DLG2: variants seen among roughly 807,000 people sequenced by gnomAD.
The protein encoded by DLG2 is discs large MAGUK scaffold protein 2.
DLG2 carries 45 observed loss-of-function variants against 132.5 expected under a neutral mutation model. The observed-to-expected ratio is 0.34, with a 90% CI of 0.27 to 0.44. The LOEUF (loss-of-function observed/expected upper bound fraction) is 0.44. DLG2 is among the 20% of genes least tolerant of loss of function. The probability of loss-of-function intolerance (pLI) is 1.00; values close to 1 mark genes in which losing one functional copy is unlikely to be tolerated. For missense variants in DLG2, 1,045 were observed against 1,196.9 expected (o/e 0.87, Z 1.87); for synonymous variants, 424 against 419.6 (o/e 1.01, Z -0.13).
Position 84,036,273 on chromosome 11 carries a change from G to A in DLG2, c.919+23042C>T, listed in dbSNP as rs139405963. Among the ~76,000 whole-genome samples, 158 of 152,060 alleles carry A rather than the reference G, an allele frequency of 1.0e-3. 2 individuals are homozygous for A. Among genetic ancestry groups the A allele is most frequent in the African/African-American group, 3.1e-3 (130 of 41,496 alleles). Reference sequence around the variant, plus strand: ...ATCTAAACTTATCTACTTGTATATCGTCACAGATAAATCTTGGGAGCACAT... The same window carrying A: ...ATCTAAACTTATCTACTTGTATATCATCACAGATAAATCTTGGGAGCACAT... On this transcript the variant is annotated intron_variant, in intron 11 of 27. Coordinates refer to ENST00000376104, the MANE Select transcript of DLG2 (RefSeq NM_001142699.3).
intron 3 of DLG2, among the ~76,000 whole-genome samples, chr11:85,538,115 C>G (rs1249362459): frequency 6.6e-6 from 1 of 151,490 alleles, no homozygotes; most frequent in Non-Finnish European, 1.5e-5. Flanking sequence ...GACTCCGTCT[C>G]AAAAAATAAT....
chr11:83,616,495 A>T (rs1242905099), intron 19 of DLG2, among the ~76,000 whole-genome samples: 1 of 143,684 alleles, frequency 7.0e-6, no homozygotes. Flanking sequence ...CCATTAAAAA[A>T]AAATGTTTTT....
chr11:84,778,958 T>C (rs1012262792), intron 6 of DLG2, among the ~76,000 whole-genome samples: 3 of 152,130 alleles, frequency 2.0e-5, no homozygotes, highest in Non-Finnish European at 2.9e-5. Context: ...TCCAAGTTCT[T>C]TGGTTTTTGG....
intron 6 of DLG2, among the ~76,000 whole-genome samples, chr11:84,619,530 A>G (rs1453466201): frequency 6.6e-6 from 1 of 151,708 alleles, no homozygotes; most frequent in African/African-American, 2.4e-5. Flanking sequence ...GAATAAAAGA[A>G]GAAAGAAAAA....
rs568432072 is a variant in DLG2, at chr11:84,539,190, G to C, written c.358-4459C>G. Among the ~76,000 whole-genome samples, 8 of 152,050 alleles carry C rather than the reference G, an allele frequency of 5.3e-5. No homozygotes were observed. In the South Asian group the frequency reaches 1.7e-3, roughly 31 times the overall value. The stretch of plus-strand genomic sequence containing the variant: ...TCTTTATCTTAGACTCAGATAATTA[G>C]GTATTTTTCTAAGCTTACATACCTG... On this transcript the variant is annotated intron_variant, in intron 6 of 27. Coordinates refer to ENST00000376104, the MANE Select transcript of DLG2 (RefSeq NM_001142699.3).
intron 7 of DLG2, among the ~76,000 whole-genome samples, chr11:84,340,632 G>A (rs2098510271): frequency 6.6e-6 from 1 of 152,092 alleles, no homozygotes; most frequent in Non-Finnish European, 1.5e-5. Flanking sequence ...AAGGACACCT[G>A]GCCAGTAAAC....
At chr11:84,399,563 C>G (rs1011886804) in intron 7 of DLG2, among the ~76,000 whole-genome samples, 1 of 152,094 alleles carries the variant, frequency 6.6e-6, no homozygotes, top group Non-Finnish European at 1.5e-5. Flanking sequence ...GTAGCTGGGA[C>G]TACCACCACA....
intron 6 of DLG2, among the ~76,000 whole-genome samples, chr11:84,881,483 C>T (rs557161196): frequency 6.6e-6 from 1 of 152,240 alleles, no homozygotes; most frequent in South Asian, 2.1e-4. Context: ...CCACCTTAGT[C>T]AACCCAAAAC....
intron 10 of DLG2, among the ~76,000 whole-genome samples, chr11:84,098,380 T>G (rs1285778524): frequency 6.6e-6 from 1 of 152,120 alleles, no homozygotes; most frequent in Non-Finnish European, 1.5e-5. Flanking sequence ...TTCCCTTTTT[T>G]TCTGAGGGAC....
At chr11:83,689,920 T>C (rs956128922) in intron 18 of DLG2, among the ~76,000 whole-genome samples, 3 of 144,082 alleles carry the variant, frequency 2.1e-5, no homozygotes, top group African/African-American at 5.1e-5. Flanking sequence ...AAATATTATA[T>C]ATTTACATAA....
Position 83,636,131 on chromosome 11 carries a change from C to G in DLG2, c.1826-2806G>C, listed in dbSNP as rs77912892. 3.4e-4 allele frequency among the ~76,000 whole-genome samples: 51 copies of G among 152,184 alleles called. 2 individuals are homozygous for G. The East Asian group carries it at 9.8e-3, about 29-fold the overall frequency. ...CTACCCATGATAAAAGCAGGAGATC[C>G]CACCTTCCAGCTGCCCCTTCTTAAA... On this transcript the variant is annotated intron_variant, in intron 18 of 27. Transcript: ENST00000376104.
chr11:85,213,830 G>C (rs1440716089), intron 4 of DLG2, among the ~76,000 whole-genome samples: 1 of 152,070 alleles, frequency 6.6e-6, no homozygotes, highest in African/African-American at 2.4e-5. Context: ...ACTTAGAATT[G>C]TATTGGTTTA....
intron 3 of DLG2, among the ~76,000 whole-genome samples, chr11:85,422,402 T>TGTTG (rs2090387264): frequency 6.6e-6 from 1 of 152,196 alleles, no homozygotes; most frequent in African/African-American, 2.4e-5. Flanking sequence ...CCTTTGTCTT[T>TGTTG]GTTGGGTTGG....
At chr11:84,228,336 A>G (rs1286413463) in intron 8 of DLG2, among the ~76,000 whole-genome samples, 1 of 152,218 alleles carries the variant, frequency 6.6e-6, no homozygotes, top group Non-Finnish European at 1.5e-5. Context: ...TTAGTCCTTG[A>G]CACATTCATC....
In DLG2 at chr11:84,683,218, C is replaced by CA. The variant is rs939335555; in HGVS notation, c.358-148488dup. Among the ~76,000 whole-genome samples, 11 of 152,222 alleles carry CA rather than the reference C, an allele frequency of 7.2e-5. No homozygotes were observed. In the East Asian group the frequency reaches 2.1e-3, roughly 30 times the overall value. On this transcript the variant is annotated intron_variant, in intron 6 of 27. Transcript: ENST00000376104. ...TGAAAAGAAAGACATGTTAAATAAT[C>CA]AAGTTTAATATGTGTTGTGACCAAC... is the stretch of plus-strand genomic sequence containing the variant.
intron 7 of DLG2, among the ~76,000 whole-genome samples, chr11:84,383,445 C>T (rs2098756052): frequency 6.6e-6 from 1 of 152,006 alleles, no homozygotes; most frequent in Admixed American, 6.6e-5. Context: ...GGGATGTCAC[C>T]CTCTTTATTA....
chr11:84,036,046 A>G (rs2095855935), intron 11 of DLG2, among the ~76,000 whole-genome samples: 1 of 152,126 alleles, frequency 6.6e-6, no homozygotes, highest in Non-Finnish European at 1.5e-5. Flanking sequence ...TTATCACATC[A>G]AAGATGATAT....
intron 3 of DLG2, among the ~76,000 whole-genome samples, chr11:85,480,293 T>C (rs1466841243): frequency 6.6e-6 from 1 of 152,140 alleles, no homozygotes; most frequent in Non-Finnish European, 1.5e-5. Flanking sequence ...CAAAAACAGT[T>C]ACAAAATATT....
At chr11:84,413,349 T>C (rs2098916602) in intron 7 of DLG2, among the ~76,000 whole-genome samples, 1 of 152,188 alleles carries the variant, frequency 6.6e-6, no homozygotes, top group African/African-American at 2.4e-5. Context: ...AATTGGGTTT[T>C]AAGAAATAAT....
Sources: gnomAD v4.1 joint callset for allele counts (sites outside exome capture counted in the v4.1 genomes callset) on GRCh38, gnomAD v4.1.1 for gene constraint, MANE v1.5 for transcripts, NCBI Gene and HGNC (gene_info 2026-07-23, HGNC 2026-07-21) for gene names.